Variants in ST7L observed in about 807,000 individuals in gnomAD.
ST7L encodes suppression of tumorigenicity 7 like, also known as suppressor of tumorigenicity 7 protein-like.
Under a neutral mutation model 72.5 loss-of-function variants are expected in ST7L, and 57 were observed. That is an observed-to-expected ratio of 0.79 (90% CI 0.64 to 0.98). ST7L has a LOEUF of 0.98. ST7L is among the 50% of genes least tolerant of loss of function. The probability of loss-of-function intolerance (pLI) is 0.00; values close to 1 mark genes in which losing one functional copy is unlikely to be tolerated. For missense variants in ST7L, 576 were observed against 672.2 expected (o/e 0.86, Z 1.58); for synonymous variants, 221 against 240.9 (o/e 0.92, Z 0.77).
At chr1:112,588,647 A>T (rs1308942040) in intron 6 of ST7L, among the ~76,000 whole-genome samples, 1 of 152,186 alleles carries the variant, frequency 6.6e-6, no homozygotes, top group African/African-American at 2.4e-5. Context: ...CAGTTGAGAT[A>T]ATCATGTGGT....
chr1:112,603,110 G>C (rs1202963635), intron 3 of ST7L, among the ~76,000 whole-genome samples: 2 of 152,148 alleles, frequency 1.3e-5, no homozygotes, highest in African/African-American at 4.8e-5. Context: ...GAGCTTTCAA[G>C]TACATACTGA....
Position 112,597,977 on chromosome 1 carries a change from C to G in ST7L, c.616G>C (p.Asp206His). 8.1e-6 allele frequency: 13 copies of G among 1,612,216 alleles called. No individual in the cohort carries two copies. The highest frequency in any genetic ancestry group is 1.1e-5 in the Non-Finnish European group (13 of 1,178,998). The stretch of plus-strand genomic sequence containing the variant: ...GAACAGATATGATACATACCTGTGT[C>G]TGAAGGACGTAAAAAATCTGTGTCA... ...TCDTDFLRPS[D>H]TVMQKAWRER... The change falls in exon 5 of 15, where the codon GAC becomes CAC. Residue 206 changes from aspartate to histidine, a missense_variant. Physicochemically the swap from Asp to His is moderately conservative, Grantham distance 81 (BLOSUM62 -1). Transcript: ENST00000358039.
At chr1:112,530,119 A>T (rs1654127957) in intron 14 of ST7L, 1 of 152,236 alleles carries the variant, frequency 6.6e-6, no homozygotes. Context: ...AGTGAGCGAC[A>T]AGCTAGAGAA....
intron 6 of ST7L, among the ~76,000 whole-genome samples, chr1:112,588,914 G>A (rs1440533245): frequency 6.6e-6 from 1 of 152,008 alleles, no homozygotes; most frequent in African/African-American, 2.4e-5. Flanking sequence ...CTCAGACTCT[G>A]GTCATATTTC....
intron 14 of ST7L, chr1:112,527,829 C>G (rs1653711321): frequency 6.6e-6 from 1 of 152,140 alleles, no homozygotes; most frequent in Non-Finnish European, 1.5e-5. Context: ...GGAGGCCAAC[C>G]CTGAACACAT....
At chr1:112,592,554 C>T (rs2207972) in intron 5 of ST7L, among the ~76,000 whole-genome samples, 7,634 of 152,282 alleles carry the variant, frequency 0.05, 393 homozygotes, top group Admixed American at 0.16. Flanking sequence ...CCATCTGATA[C>T]TGGCCAGGTA....
intron 14 of ST7L, among the ~76,000 whole-genome samples, chr1:112,533,744 C>G (rs977765526): frequency 6.6e-6 from 1 of 152,188 alleles, no homozygotes; most frequent in African/African-American, 2.4e-5. Context: ...TAACCTCCAA[C>G]TCCTGGGCTC....
chr1:112,612,341 G>A (rs1416125293), intron 2 of ST7L, among the ~76,000 whole-genome samples: 1 of 152,108 alleles, frequency 6.6e-6, no homozygotes, highest in Non-Finnish European at 1.5e-5. Flanking sequence ...TAAGCGCTCT[G>A]CCCTCCTTGG....
At chr1:112,552,657 G>A (rs1315481015) in intron 12 of ST7L, among the ~76,000 whole-genome samples, 2 of 152,286 alleles carry the variant, frequency 1.3e-5, no homozygotes, top group African/African-American at 4.8e-5. Context: ...GCCCACCTCA[G>A]CCTCCCAAAG....
chr1:112,548,635 A>C (rs1386694181), intron 13 of ST7L, among the ~76,000 whole-genome samples: 1 of 152,228 alleles, frequency 6.6e-6, no homozygotes, highest in East Asian at 1.9e-4. Context: ...TTAATGGCTC[A>C]GTATTGTAAA....
chr1:112,556,962 GTC>G (rs1659222912), intron 11 of ST7L, among the ~76,000 whole-genome samples: 2 of 44,866 alleles, frequency 4.5e-5, no homozygotes, highest in Admixed American at 7.3e-4. Context: ...GCGAGACTCT[GTC>G]TCAAAAAAAA....
chr1:112,600,901 T>C, intron 3 of ST7L, 53 bp from the exon 4 acceptor site: 5 of 1,504,936 alleles, frequency 3.3e-6, no homozygotes, highest in Non-Finnish European at 4.6e-6. Context: ...AAATCTTCAT[T>C]TAACCAATAT....
chr1:112,597,817 T>C (rs760047453), intron 5 of ST7L, among the ~76,000 whole-genome samples, 154 bp downstream of exon 5: 13 of 152,250 alleles, frequency 8.5e-5, no homozygotes, highest in Admixed American at 1.3e-4. Flanking sequence ...ACCTAGCTTA[T>C]AGTCATAATT....
chr1:112,558,102 A>G (rs1045285907), intron 11 of ST7L, among the ~76,000 whole-genome samples: 3 of 152,188 alleles, frequency 2.0e-5, no homozygotes, highest in African/African-American at 7.2e-5. Context: ...AAAGACTGAG[A>G]CCAGAATGCA....
At chr1:112,554,897 G>A (rs529106202) in intron 12 of ST7L, among the ~76,000 whole-genome samples, 23 of 152,190 alleles carry the variant, frequency 1.5e-4, no homozygotes, top group African/African-American at 4.3e-4. Context: ...CAAAAATTAC[G>A]TAATTCCACT....
At position 112,582,446 on chromosome 1, in the gene ST7L, T is replaced by C. The variant is rs1664268615; in HGVS notation, c.883A>G (p.Ile295Val). 6.2e-7 allele frequency: 1 copy of C among 1,607,370 alleles called. No individual in the cohort carries two copies. The highest frequency in any genetic ancestry group is 8.5e-7 in the Non-Finnish European group (1 of 1,175,906). ...GCACACATTGCCAATCTTCTTTTAA[T>C]ATATACCAGTACATTGGTATCTCTC... is the stretch of plus-strand genomic sequence containing the variant. ...LRRDTNVLVY[I>V]KRRLAMCARK... The change falls in exon 8 of 15, where the codon ATT becomes GTT. Residue 295 changes from isoleucine (I) to valine (V), a missense_variant. This residue lies in a region of ST7L where 511 missense variants were observed against 600.7 expected (regional missense o/e 0.85). Coordinates refer to ENST00000358039, the MANE Select transcript of ST7L (RefSeq NM_017744.5).
chr1:112,616,674 C>T (rs937407140), intron 2 of ST7L, 139 bp downstream of exon 2: 52 of 519,066 alleles, frequency 1.0e-4, no homozygotes, highest in African/African-American at 2.1e-5. Flanking sequence ...ACCTGGAAGG[C>T]GGAAGTTGCA....
chr1:112,569,907 G>A (rs990392229), intron 11 of ST7L, among the ~76,000 whole-genome samples: 19 of 142,282 alleles, frequency 1.3e-4, no homozygotes, highest in Non-Finnish European at 1.0e-4. Flanking sequence ...GCAGTGAGCC[G>A]AGATAGCACC....
intron 13 of ST7L, among the ~76,000 whole-genome samples, chr1:112,547,881 T>G (rs1356004225): frequency 6.6e-6 from 1 of 152,042 alleles, no homozygotes; most frequent in African/African-American, 2.4e-5. Flanking sequence ...CATCTTTTTA[T>G]CAACCTTGTT....
Sources: gnomAD v4.1 joint callset for allele counts (sites outside exome capture counted in the v4.1 genomes callset) on GRCh38, gnomAD v4.1.1 for gene constraint, gnomAD v4.1.1 regional missense constraint, MANE v1.5 for transcripts, NCBI Gene and HGNC (gene_info 2026-07-23, HGNC 2026-07-21) for gene names.